The following ZNF385D variants were observed in gnomAD, a reference collection of about 807,000 sequenced individuals.
The protein encoded by ZNF385D is zinc finger protein 659.
Under a neutral mutation model 35.8 loss-of-function variants are expected in ZNF385D, and 15 were observed. That is an observed-to-expected ratio of 0.42 (90% CI 0.28 to 0.64). ZNF385D has a LOEUF of 0.64. ZNF385D is among the 30% of genes least tolerant of loss of function. ZNF385D has a pLI of 0.23. For synonymous variants in ZNF385D, 212 were observed against 186.8 expected (o/e 1.13, Z -1.10); for missense variants, 474 against 494.6 (o/e 0.96, Z 0.39).
intron 4 of ZNF385D, among the ~76,000 whole-genome samples, chr3:21,491,737 G>C (rs530528727): frequency 1.3e-4 from 20 of 152,240 alleles, no homozygotes; most frequent in African/African-American, 4.6e-4. Context: ...GAATTGAATA[G>C]TTATGACAGA....
chr3:21,426,188 G>T (rs1418748362), intron 5 of ZNF385D, among the ~76,000 whole-genome samples: 1 of 152,124 alleles, frequency 6.6e-6, no homozygotes, highest in East Asian at 1.9e-4. Flanking sequence ...ACAAGCTTTC[G>T]TGGCTATGTA....
intron 3 of ZNF385D, among the ~76,000 whole-genome samples, chr3:21,942,203 G>T (rs1490654693): frequency 6.6e-6 from 1 of 152,128 alleles, no homozygotes; most frequent in East Asian, 1.9e-4. Context: ...AATTTTTAGA[G>T]AAATCATACC....
At chr3:21,451,510 T>C (rs1168021558) in intron 4 of ZNF385D, among the ~76,000 whole-genome samples, 2 of 152,136 alleles carry the variant, frequency 1.3e-5, no homozygotes, top group South Asian at 4.1e-4. Context: ...AGAGTGGATC[T>C]CTCAAGTTAG....
intron 4 of ZNF385D, among the ~76,000 whole-genome samples, chr3:21,438,130 C>G (rs752835563): frequency 3.9e-5 from 6 of 152,170 alleles, no homozygotes; most frequent in Non-Finnish European, 8.8e-5. Context: ...AGCTCCCCTT[C>G]CAAATATGCC....
In ZNF385D at chr3:21,988,167, C is replaced by T. The variant is rs1342237824; in HGVS notation, c.325+180650G>A. On this transcript the variant is annotated intron_variant, in intron 3 of 5. Coordinates refer to the ZNF385D transcript ENST00000494108. Reference sequence around the variant, plus strand: ...ATCATCTGAAGCCTTCTTCTCTCAACTCGTCAAAATCATTCTCCATCCAGC... The same window carrying T: ...ATCATCTGAAGCCTTCTTCTCTCAATTCGTCAAAATCATTCTCCATCCAGC... Among the ~76,000 whole-genome samples, 3 of 132,226 alleles carry T rather than the reference C, an allele frequency of 2.3e-5. 1 individual carries two copies. The East Asian group carries it at 6.6e-4, about 29-fold the overall frequency. 86.7% of individuals were successfully genotyped at this position (132,226 alleles called of 152,430 possible). A position where few individuals can be genotyped will look rare whatever the true frequency, so the allele number is the denominator to read the frequency against.
In ZNF385D at chr3:21,414,990, C is replaced by T. The variant is rs1043621116; in HGVS notation, c.*6224G>A. 5.3e-5 allele frequency: 8 copies of T among 151,996 alleles called. No individual in the cohort carries two copies. The highest frequency in any genetic ancestry group is 1.5e-4 in the African/African-American group (6 of 41,374). The allele number at this position is 151,996 out of a possible 1,614,324, so 9.4% of individuals were successfully genotyped here. On this transcript the variant is annotated 3_prime_UTR_variant, in exon 8 of 8. Coordinates refer to ENST00000281523, the MANE Select transcript of ZNF385D (RefSeq NM_024697.3). ...TATTAGTTGCCCCTAGCCCTAGGGT[C>T]CTATACTGAAATTATATAACAATGT...
intron 3 of ZNF385D, chr3:21,877,882 G>T (rs1056756026): frequency 7.2e-5 from 11 of 151,986 alleles, no homozygotes; most frequent in Non-Finnish European, 1.5e-5. Context: ...AGTTACAGAT[G>T]AACTTCTTCA....
intron 2 of ZNF385D, among the ~76,000 whole-genome samples, chr3:22,217,179 T>C (rs1261763371): frequency 6.6e-6 from 1 of 152,102 alleles, no homozygotes; most frequent in African/African-American, 2.4e-5. Context: ...GAATATACTC[T>C]TCCCACAAAT....
At chr3:21,436,375 C>T (rs1464707087) in intron 5 of ZNF385D, among the ~76,000 whole-genome samples, 1 of 152,204 alleles carries the variant, frequency 6.6e-6, no homozygotes, top group African/African-American at 2.4e-5. Context: ...TGTGCCTTCT[C>T]TGAGCTTCAA....
At chr3:22,340,870 T>G (rs1003382469) in intron 2 of ZNF385D, among the ~76,000 whole-genome samples, 2 of 152,176 alleles carry the variant, frequency 1.3e-5, no homozygotes, top group African/African-American at 4.8e-5. Context: ...CAGCTTCAAT[T>G]TCTATCGACT....
intron 2 of ZNF385D, among the ~76,000 whole-genome samples, chr3:22,228,580 T>C (rs988860612): frequency 6.6e-6 from 1 of 152,232 alleles, no homozygotes; most frequent in Non-Finnish European, 1.5e-5. Flanking sequence ...TTGAGTGCCC[T>C]GAAGCACATC....
At chr3:21,978,950 T>C (rs1694230394) in intron 3 of ZNF385D, among the ~76,000 whole-genome samples, 1 of 152,172 alleles carries the variant, frequency 6.6e-6, no homozygotes, top group South Asian at 2.1e-4. Flanking sequence ...CATATTAATA[T>C]CTAAAATTGG....
chr3:21,481,654 A>G (rs1488093698), intron 4 of ZNF385D, among the ~76,000 whole-genome samples: 2 of 152,050 alleles, frequency 1.3e-5, no homozygotes, highest in African/African-American at 4.8e-5. Context: ...TTGCCTCCAC[A>G]AAGTGCTGGG....
intron 3 of ZNF385D, among the ~76,000 whole-genome samples, chr3:21,901,538 A>C (rs528060802): frequency 6.6e-6 from 1 of 152,326 alleles, no homozygotes; most frequent in African/African-American, 2.4e-5. Flanking sequence ...TGCATTGTGG[A>C]TGCCAGGCAC....
At chr3:21,773,207 T>A (rs1036426327) in intron 3 of ZNF385D, among the ~76,000 whole-genome samples, 1 of 151,958 alleles carries the variant, frequency 6.6e-6, no homozygotes, top group African/African-American at 2.4e-5. Flanking sequence ...ATGGTAAATT[T>A]TGTTATAATG....
intron 2 of ZNF385D, among the ~76,000 whole-genome samples, chr3:21,657,414 T>G (rs565277462): frequency 1.3e-5 from 2 of 152,116 alleles, no homozygotes; most frequent in Non-Finnish European, 2.9e-5. Flanking sequence ...ACATTTGACT[T>G]TGACAAACTT....
intron 3 of ZNF385D, among the ~76,000 whole-genome samples, chr3:21,806,138 C>T (rs1004862782): frequency 6.6e-6 from 1 of 151,922 alleles, no homozygotes; most frequent in Non-Finnish European, 1.5e-5. Flanking sequence ...GACTACCTGC[C>T]TTCTTCCTTT....
At chr3:22,110,914 T>C (rs1287883725) in intron 3 of ZNF385D, among the ~76,000 whole-genome samples, 1 of 152,024 alleles carries the variant, frequency 6.6e-6, no homozygotes, top group Non-Finnish European at 1.5e-5. Context: ...GAGTCTTGAA[T>C]ATAAAGACAA....
intron 4 of ZNF385D, among the ~76,000 whole-genome samples, chr3:21,464,749 C>T (rs998699678): frequency 6.6e-6 from 1 of 152,012 alleles, no homozygotes; most frequent in Non-Finnish European, 1.5e-5. Context: ...TTAAAACACA[C>T]ACACACACAC....
Sources: allele counts gnomAD v4.1 joint callset (sites outside exome capture counted in the v4.1 genomes callset), GRCh38; gene constraint gnomAD v4.1.1; transcripts MANE v1.5; gene names NCBI Gene and HGNC (gene_info 2026-07-23, HGNC 2026-07-21).